Variants in NLGN3 observed in about 807,000 individuals in gnomAD.
NLGN3 encodes neuroligin 3, also known as neuroligin-3.
In NLGN3, 11 loss-of-function variants were observed where a neutral mutation model predicts 42.9. The observed-to-expected ratio is 0.26, with a 90% CI of 0.16 to 0.42. The LOEUF (loss-of-function observed/expected upper bound fraction) is 0.42, where lower values mean the gene tolerates loss of function less well. NLGN3 is among the 10% of genes least tolerant of loss of function. The probability of loss-of-function intolerance (pLI) is 1.00; values close to 1 mark genes in which losing one functional copy is unlikely to be tolerated. For synonymous variants in NLGN3, 279 were observed against 312.7 expected (o/e 0.89, Z 1.14); for missense variants, 374 against 733.8 (o/e 0.51, Z 5.67).
Position 71,148,915 on chromosome X carries a change from G to A in NLGN3, c.517+10G>A, listed in dbSNP as rs747296258. The A allele has an allele frequency of 6.6e-6, 7 of 1,057,535 alleles. No individual in the cohort carries two copies. The highest frequency in any genetic ancestry group is 3.6e-5 in the East Asian group (1 of 27,857). 87.2% of individuals were successfully genotyped at this position (1,057,535 alleles called of 1,213,427 possible). ...ATTTGTAGGAAAGGAGGTAGGTAGC[G>A]AGCCGGCGGGGAGGGAGAGAGAGAG... is the stretch of plus-strand genomic sequence containing the variant. On this transcript the variant is annotated intron_variant, in intron 3 of 7. Transcript: ENST00000358741.
At chrX:71,158,872 A>G (rs964511733) in intron 5 of NLGN3, among the ~76,000 whole-genome samples, 6 of 111,879 alleles carry the variant, frequency 5.4e-5, no homozygotes, top group African/African-American at 2.0e-4. Context: ...TTACTTCACA[A>G]TCCTTCAGCT....
chrX:71,160,032 G>A (rs1006482819), intron 5 of NLGN3, among the ~76,000 whole-genome samples: 3 of 103,823 alleles, frequency 2.9e-5, no homozygotes, highest in Non-Finnish European at 3.9e-5. Flanking sequence ...CACTGCACCC[G>A]GCGGGGAATT....
At chrX:71,152,458 T>C (rs1372648709) in intron 3 of NLGN3, among the ~76,000 whole-genome samples, 3 of 110,138 alleles carry the variant, frequency 2.7e-5, no homozygotes, top group African/African-American at 1.0e-4. Context: ...GGAAAGACCA[T>C]GGGCTTTGGA....
rs146992370 is a variant in NLGN3, at chrX:71,169,716, C to T, written c.2166C>T (p.Asn722=). 16 of 1,210,460 alleles carry T rather than the reference C, an allele frequency of 1.3e-5. No individual in the cohort carries two copies. The highest frequency in any genetic ancestry group is 5.9e-5 in the East Asian group (2 of 33,751). Residue 722 remains asparagine, a synonymous_variant, in exon 8 of 8, where the codon AAC becomes AAT. Coordinates refer to ENST00000358741, the MANE Select transcript of NLGN3 (RefSeq NM_181303.2). ...TGGGGGCCTCCCTCCTGTTCCTTAA[C>T]GTTCTGGCCTTCGCTGCCCTCTACT... ...IAVGASLLFL[N]VLAFAALYYR...
At chrX:71,157,418 G>A (rs1298646575) in intron 5 of NLGN3, among the ~76,000 whole-genome samples, 3 of 110,115 alleles carry the variant, frequency 2.7e-5, no homozygotes, top group East Asian at 5.7e-4. Context: ...CCGCCTCCCG[G>A]GTTCAACTGA....
intron 7 of NLGN3, among the ~76,000 whole-genome samples, chrX:71,168,821 A>AAAAAAAAGAAAGAAAG: frequency 1.4e-5 from 1 of 69,352 alleles, no homozygotes; most frequent in Non-Finnish European, 2.5e-5. Flanking sequence ...AGAGAAAAAA[A>AAAAAAAAGAAAGAAAG]AAAGAAAGAA....
At chrX:71,158,824 C>T (rs1381674156) in intron 5 of NLGN3, among the ~76,000 whole-genome samples, 3 of 111,613 alleles carry the variant, frequency 2.7e-5, no homozygotes, top group Admixed American at 1.9e-4. Flanking sequence ...AGAAGGCTGT[C>T]GCTGGTGAGC....
At position 71,144,859 on chromosome X, in the gene NLGN3, C is replaced by A. The variant is rs1399905521; in HGVS notation, c.-306C>A. 8.9e-6 allele frequency: 1 copy of A among 112,118 alleles called. No individual in the cohort carries two copies. The allele number at this position is 112,118 out of a possible 1,213,427, so 9.2% of individuals were successfully genotyped here. On this transcript the variant is annotated 5_prime_UTR_variant, in exon 1 of 8. In the 5' UTR this introduces an upstream ATG that the reference lacks. Transcript: ENST00000358741. Reference sequence around the variant, plus strand: ...TCGGTGCGCGGGCACAGCAGCCAGGCTGCCGGAGAGCTGATCTCGGGGATT... The same window carrying A: ...TCGGTGCGCGGGCACAGCAGCCAGGATGCCGGAGAGCTGATCTCGGGGATT...
At chrX:71,163,390 T>C (rs771473578) in intron 5 of NLGN3, among the ~76,000 whole-genome samples, 1 of 111,778 alleles carries the variant, frequency 8.9e-6, no homozygotes, top group African/African-American at 3.3e-5. Flanking sequence ...GAGTTTCTGA[T>C]TCCTTAGGCC....
chrX:71,155,081 C>T (rs774619936), intron 4 of NLGN3, 133 bp from the exon 5 acceptor site: 119 of 689,795 alleles, frequency 1.7e-4, no homozygotes, highest in Non-Finnish European at 2.4e-4. Context: ...CCCCATGAGT[C>T]CTGCCCTCAG....
At chrX:71,151,175 G>A (rs933043311) in intron 3 of NLGN3, among the ~76,000 whole-genome samples, 2 of 110,917 alleles carry the variant, frequency 1.8e-5, no homozygotes, top group Non-Finnish European at 3.8e-5. Flanking sequence ...GGTGCATGGT[G>A]GCACACACCT....
intron 2 of NLGN3, 104 bp downstream of exon 2, chrX:71,148,310 CT>C: frequency 1.5e-6 from 1 of 663,084 alleles, no homozygotes; most frequent in Non-Finnish European, 2.5e-6. Context: ...ATCTGTCTGT[CT>C]GTGAAAATGC....
chrX:71,148,562 G>A (rs1176277369), intron 2 of NLGN3, among the ~76,000 whole-genome samples: 1 of 111,774 alleles, frequency 8.9e-6, no homozygotes, highest in East Asian at 2.8e-4. Context: ...CATTCCACCT[G>A]CTTCGAAAGG....
chrX:71,168,857 GAAAGAAAGAAAGAGAAAGA>G (rs1371518484), intron 7 of NLGN3, among the ~76,000 whole-genome samples: 16 of 86,763 alleles, frequency 1.8e-4, no homozygotes, highest in African/African-American at 8.8e-4. Flanking sequence ...AAGAAAGAAA[GAAAGAAAGAAAGAGAAAGA>G]AAAGAAAGAG....
intron 5 of NLGN3, among the ~76,000 whole-genome samples, chrX:71,159,336 G>A (rs1460953369): frequency 1.8e-5 from 2 of 109,627 alleles, no homozygotes; most frequent in African/African-American, 6.6e-5. Context: ...AAAAAGAAAA[G>A]GAAAAAGAAA....
At chrX:71,168,345 C>CACACACACACACACACATAT (rs760743486) in intron 7 of NLGN3, among the ~76,000 whole-genome samples, 1 of 109,034 alleles carries the variant, frequency 9.2e-6, no homozygotes, top group African/African-American at 3.3e-5. Flanking sequence ...TTATCTTAAA[C>CACACACACACACACACATAT]ACACACACAC....
Position 71,155,338 on chromosome X carries a change from C to T in NLGN3, c.702C>T (p.Thr234=). Reference sequence around the variant, plus strand: ...GTTATGGCAATGTCATCGTCATCACCCTCAACTATCGGGTTGGAGTGCTAG... The same window carrying T: ...GTTATGGCAATGTCATCGTCATCACTCTCAACTATCGGGTTGGAGTGCTAG... ...LASYGNVIVI[T]LNYRVGVLGF... Residue 234 remains threonine, a synonymous_variant, in exon 5 of 8, where the codon ACC becomes ACT. Transcript: ENST00000358741. 8.2e-7 allele frequency: 1 copy of T among 1,212,281 alleles called. No individual in the cohort carries two copies. Among genetic ancestry groups the T allele is most frequent in the South Asian group, 1.8e-5 (1 of 57,034 alleles).
chrX:71,167,754 C>G lies in NLGN3; in HGVS notation c.1657C>G (p.Leu553Val). Residue 553 changes from leucine to valine, a missense_variant, in exon 7 of 8, where the codon CTC becomes GTC. Leu to Val is a conservative substitution (Grantham distance 32). This residue lies in a region of NLGN3 where 142 missense variants were observed against 359.1 expected (regional missense o/e 0.40). Transcript: ENST00000358741. ...CAACTTCTCCAAGAATGATGTTATG[C>G]TCAGTGCTGTCGTCATGACCTATTG... The part of the protein sequence containing the change: ...PCNFSKNDVM[L>V]SAVVMTYWTN... The G allele has an allele frequency of 8.3e-7, 1 of 1,211,495 alleles. No individual in the cohort carries two copies. Among genetic ancestry groups the G allele is most frequent in the Non-Finnish European group, 1.1e-6 (1 of 895,430 alleles).
chrX:71,154,145 AGG>A (rs1433200817), intron 4 of NLGN3, among the ~76,000 whole-genome samples: 10 of 113,173 alleles, frequency 8.8e-5, no homozygotes, highest in Non-Finnish European at 1.7e-4. Flanking sequence ...GGCTGAGGCC[AGG>A]ACACCACAGC....
Sources: gnomAD v4.1 joint callset for allele counts (sites outside exome capture counted in the v4.1 genomes callset) on GRCh38, gnomAD v4.1.1 for gene constraint, gnomAD v4.1.1 regional missense constraint, MANE v1.5 for transcripts, NCBI Gene and HGNC (gene_info 2026-07-23, HGNC 2026-07-21) for gene names.